Variants in CREB1 observed in about 807,000 individuals in gnomAD.
The protein encoded by CREB1 is cyclic AMP-responsive element-binding protein 1.
Under a neutral mutation model 42.0 loss-of-function variants are expected in CREB1, and 2 were observed. The observed-to-expected ratio is 0.05, with a 90% CI of 0.02 to 0.15. The LOEUF (loss-of-function observed/expected upper bound fraction) is 0.15, where lower values mean the gene tolerates loss of function less well. CREB1 is among the 10% of genes least tolerant of loss of function. CREB1 has a pLI of 1.00. For missense variants in CREB1, 199 were observed against 388.9 expected (o/e 0.51, Z 4.11); for synonymous variants, 123 against 139.9 (o/e 0.88, Z 0.85).
intron 1 of CREB1, among the ~76,000 whole-genome samples, chr2:207,553,315 C>A (rs1057105456): frequency 4.6e-5 from 7 of 152,062 alleles, no homozygotes; most frequent in African/African-American, 1.7e-4. Flanking sequence ...GCGATCCACC[C>A]GCTTTGGCCT....
chr2:207,594,537 G>A (rs1263579974), intron 7 of CREB1, among the ~76,000 whole-genome samples: 1 of 152,136 alleles, frequency 6.6e-6, no homozygotes, highest in African/African-American at 2.4e-5. Flanking sequence ...CTACGTTTTG[G>A]CATGCAGAGG....
rs1248347715 is a variant in CREB1 at position 207,605,640 on chromosome 2, T to C, written c.*8582T>C. On this transcript the variant is annotated 3_prime_UTR_variant, in exon 8 of 8. Coordinates refer to ENST00000353267, the MANE Select transcript of CREB1 (RefSeq NM_004379.5). ...AATGTATGTTCTCTCCTCCTCCCTC[T>C]CCCTTTTTTTACACAAAAGGTAGGT... Among the ~76,000 whole-genome samples the C allele has an allele frequency of 1.3e-5, 2 of 152,210 alleles. No individual in the cohort carries two copies. Among genetic ancestry groups the C allele is most frequent in the East Asian group, 3.8e-4 (2 of 5,198 alleles).
Position 207,532,238 on chromosome 2 carries a change from C to T in CREB1, c.-9+2104C>T, listed in dbSNP as rs187138940. ...GGTGTGGTGGCACGCGCCTGTAATC[C>T]CAGCTACTCGGGGGGCTGGGGTTGC... On this transcript the variant is annotated intron_variant, in intron 1 of 7. Transcript: ENST00000353267. Among the ~76,000 whole-genome samples the T allele has an allele frequency of 2.3e-3, 351 of 151,716 alleles. 4 individuals carry two copies. The highest frequency in any genetic ancestry group is 7.8e-3 in the African/African-American group (324 of 41,348).
At position 207,555,628 on chromosome 2, in the gene CREB1, G is replaced by A. The variant is rs1305982812; in HGVS notation, c.-8G>A. 1 of 1,580,734 alleles carries A rather than the reference G, an allele frequency of 6.3e-7. No individual in the cohort carries two copies. The highest frequency in any genetic ancestry group is 1.1e-5 in the South Asian group (1 of 90,062). Reference sequence around the variant, plus strand: ...GTAACACTCTTCCATATTATTATAGGTAACTAAATGACCATGGAATCTGGA... The same window carrying A: ...GTAACACTCTTCCATATTATTATAGATAACTAAATGACCATGGAATCTGGA... On this transcript the variant is annotated splice_region_variant and 5_prime_UTR_variant, in exon 2 of 8. Coordinates refer to ENST00000353267, the MANE Select transcript of CREB1 (RefSeq NM_004379.5).
intron 2 of CREB1, among the ~76,000 whole-genome samples, chr2:207,558,193 A>G (rs1002025530): frequency 6.6e-6 from 1 of 152,230 alleles, no homozygotes; most frequent in Non-Finnish European, 1.5e-5. Flanking sequence ...GTTTTACCCT[A>G]TATGCCAAAG....
In CREB1 at chr2:207,597,171, A is replaced by C; in HGVS notation, c.*113A>C. 8.6e-7 allele frequency: 1 copy of C among 1,164,298 alleles called. No homozygotes were observed. The highest frequency in any genetic ancestry group is 1.2e-6 in the Non-Finnish European group (1 of 858,086). 72.1% of individuals were successfully genotyped at this position (1,164,298 alleles called of 1,614,324 possible). The stretch of plus-strand genomic sequence containing the variant: ...AACATTTCTTTTTTTCTATGCGCAA[A>C]ACTGCCTGAAAGCAACTACAGAATT... On this transcript the variant is annotated 3_prime_UTR_variant, in exon 8 of 8. Transcript: ENST00000353267.
intron 1 of CREB1, among the ~76,000 whole-genome samples, chr2:207,531,800 A>G (rs965507910): frequency 2.6e-5 from 4 of 152,360 alleles, no homozygotes; most frequent in Non-Finnish European, 4.4e-5. Flanking sequence ...TGGCAGCAGA[A>G]GCACTGTCTT....
intron 1 of CREB1, among the ~76,000 whole-genome samples, chr2:207,552,042 CAAAAAAAAAAA>C (rs71036931): frequency 6.4e-4 from 45 of 69,932 alleles, no homozygotes; most frequent in Admixed American, 2.1e-3. Context: ...AACTCCGTCT[CAAAAAAAAAAA>C]AAAAAAAAAA....
intron 5 of CREB1, among the ~76,000 whole-genome samples, chr2:207,571,099 G>A (rs1411092956): frequency 1.3e-5 from 1 of 76,806 alleles, no homozygotes; most frequent in Non-Finnish European, 2.9e-5. Context: ...TAAACCTGGT[G>A]CTGCCCATTT....
At chr2:207,578,984 C>T (rs2082716931) in intron 7 of CREB1, among the ~76,000 whole-genome samples, 1 of 152,062 alleles carries the variant, frequency 6.6e-6, no homozygotes, top group African/African-American at 2.4e-5. Flanking sequence ...GACATGATTT[C>T]ACTATTTTGG....
At chr2:207,586,052 T>C (rs1384591105) in intron 7 of CREB1, among the ~76,000 whole-genome samples, 1 of 152,112 alleles carries the variant, frequency 6.6e-6, no homozygotes, top group African/African-American at 2.4e-5. Flanking sequence ...AAAAAGGCCT[T>C]TCTAAGACAC....
At chr2:207,552,823 C>G (rs1313137153) in intron 1 of CREB1, among the ~76,000 whole-genome samples, 1 of 151,944 alleles carries the variant, frequency 6.6e-6, no homozygotes, top group Non-Finnish European at 1.5e-5. Context: ...ACCGTGTTGG[C>G]CAAGCTGATC....
rs931524941 is a variant in CREB1, at chr2:207,603,900, C to T, written c.*6842C>T. On this transcript the variant is annotated 3_prime_UTR_variant, in exon 8 of 8. Coordinates refer to ENST00000353267, the MANE Select transcript of CREB1 (RefSeq NM_004379.5). ...TTAACTTCTGAAATAAGTTCTGAGACGAGACATCTGAAAATAAGCAGCTGC... is the reference window on the plus strand; with the variant it reads ...TTAACTTCTGAAATAAGTTCTGAGATGAGACATCTGAAAATAAGCAGCTGC... Among the ~76,000 whole-genome samples, 1 of 152,154 alleles carries T rather than the reference C, an allele frequency of 6.6e-6. No homozygotes were observed. The highest frequency in any genetic ancestry group is 1.5e-5 in the Non-Finnish European group (1 of 68,036).
At chr2:207,530,716 C>T (rs748272619) in intron 1 of CREB1, among the ~76,000 whole-genome samples, 3 of 151,852 alleles carry the variant, frequency 2.0e-5, no homozygotes, top group Non-Finnish European at 4.4e-5. Flanking sequence ...TGCCTGCTGC[C>T]TTCCCGGTGG....
At position 207,538,243 on chromosome 2, in the gene CREB1, C is replaced by T. The variant is rs867544467; in HGVS notation, c.-9+8109C>T. Among the ~76,000 whole-genome samples the T allele has an allele frequency of 3.3e-5, 5 of 151,916 alleles. No homozygotes were observed. In the South Asian group the frequency reaches 6.2e-4, roughly 19 times the overall value. On this transcript the variant is annotated intron_variant, in intron 1 of 7. Transcript: ENST00000353267. ...CCAGAAAGATGTTAGCTTAGAAAAA[C>T]GTATTCTGGCGTTTATTCCAACAGA...
chr2:207,582,918 A>AATAT (rs1553505581), intron 7 of CREB1: 1 of 258,228 alleles, frequency 3.9e-6, no homozygotes, highest in Non-Finnish European at 7.8e-6. Flanking sequence ...AACAAAAAAA[A>AATAT]ATATATATAT....
At chr2:207,577,443 TA>T (rs2082639869) in intron 6 of CREB1, 61 bp from the exon 7 acceptor site, 2 of 1,574,292 alleles carry the variant, frequency 1.3e-6, no homozygotes, top group Admixed American at 3.5e-5. Context: ...TGATGATTGA[TA>T]CACATAATTG....
At chr2:207,578,604 A>G (rs903677558) in intron 7 of CREB1, among the ~76,000 whole-genome samples, 9 of 152,142 alleles carry the variant, frequency 5.9e-5, no homozygotes, top group African/African-American at 2.2e-4. Flanking sequence ...CTTTGAAAGC[A>G]CTTTGTAACT....
At chr2:207,565,650 G>A (rs1452274557) in intron 3 of CREB1, among the ~76,000 whole-genome samples, 1 of 152,078 alleles carries the variant, frequency 6.6e-6, no homozygotes, top group African/African-American at 2.4e-5. Flanking sequence ...CTTGGAAGGG[G>A]GGTGTTCCCT....
Sources: allele counts gnomAD v4.1 joint callset (sites outside exome capture counted in the v4.1 genomes callset), GRCh38; gene constraint gnomAD v4.1.1; transcripts MANE v1.5; gene names NCBI Gene and HGNC (gene_info 2026-07-23, HGNC 2026-07-21).